The following PDZD7 variants were observed in gnomAD, a reference collection of about 807,000 sequenced individuals.
The protein encoded by PDZD7 is PDZ domain-containing protein 7.
Under a neutral mutation model 84.7 loss-of-function variants are expected in PDZD7, and 72 were observed. That is an observed-to-expected ratio of 0.85 (90% confidence interval 0.70 to 1.03). The LOEUF is 1.03. PDZD7 is among the 50% of genes least tolerant of loss of function. PDZD7 has a pLI of 0.00. For missense variants in PDZD7, 1,490 were observed against 1,412.9 expected (o/e 1.05, Z -0.87); for synonymous variants, 594 against 580.7 (o/e 1.02, Z -0.33).
Position 101,008,272 on chromosome 10 carries a change from T to C in PDZD7, c.*195A>G. The C allele has an allele frequency of 1.6e-6, 1 of 642,424 alleles. No individual in the cohort carries two copies. The allele number at this position is 642,424 out of a possible 1,614,324, so 39.8% of individuals were successfully genotyped here. A position where few individuals can be genotyped will look rare whatever the true frequency, so the allele number is the denominator to read the frequency against. ...GTGACACAGGCTGCCCACTAGCACC[T>C]TGTCCTTGGACACTAAGGCAGAGCC... On this transcript the variant is annotated 3_prime_UTR_variant, in exon 17 of 17. Transcript: ENST00000619208.
In PDZD7 at chr10:101,021,875, C is replaced by G. The variant is rs1249336656; in HGVS notation, c.790G>C (p.Val264Leu). 1 of 1,614,208 alleles carries G rather than the reference C, an allele frequency of 6.2e-7. No individual in the cohort carries two copies. Among genetic ancestry groups the G allele is most frequent in the Non-Finnish European group, 8.5e-7 (1 of 1,180,032 alleles). ...CTGTGGCTGATGTCGTCAAACCTGA[C>G]ACCGTTGGCTGCCAGGACCTGGTCC... ...VGDQVLAANG[V>L]RFDDISHSQA... The change falls in exon 6 of 17, where the codon GTC becomes CTC. Residue 264 changes from valine (V) to leucine (L), a missense_variant. By Grantham distance (32) the Val-to-Leu change is conservative. Transcript: ENST00000619208.
chr10:101,011,859 C>A, intron 13 of PDZD7, 66 bp downstream of exon 13: 2 of 1,549,426 alleles, frequency 1.3e-6, no homozygotes, highest in East Asian at 2.4e-5. Flanking sequence ...GCCCTCTCCA[C>A]CACGGGGTCC....
intron 14 of PDZD7, chr10:101,011,316 C>A (rs766457516): frequency 3.5e-5 from 14 of 405,170 alleles, no homozygotes; most frequent in Non-Finnish European, 5.2e-5. Flanking sequence ...GCTGGGATTA[C>A]AGGCGTGAGC....
Position 101,011,755 on chromosome 10 carries a change from G to A in PDZD7, c.1940C>T (p.Pro647Leu), listed in dbSNP as rs1013083731. 116 of 1,549,204 alleles carry A rather than the reference G, an allele frequency of 7.5e-5. No individual in the cohort carries two copies. Among genetic ancestry groups the A allele is most frequent in the Non-Finnish European group, 9.1e-5 (104 of 1,146,996 alleles). The change falls in exon 14 of 17, where the codon CCT becomes CTT. Residue 647 changes from proline to leucine, a missense_variant. Coordinates refer to ENST00000619208, the MANE Select transcript of PDZD7 (RefSeq NM_001195263.2). ...FEALKSRAVR[P>L]PALRPARQDT... ...CTGCCGGGCTGGTCTCAAAGCAGGA[G>A]GCCGGACTGGTTGGAGAGATGAACA...
At chr10:101,017,924 A>G (rs532246863) in intron 9 of PDZD7, 175 bp downstream of exon 9, 14 of 545,288 alleles carry the variant, frequency 2.6e-5, no homozygotes, top group Middle Eastern at 4.7e-4. Flanking sequence ...AAAGAAAGAA[A>G]GAAAAAGAAA....
At chr10:101,027,837 A>T (rs1208467880) in intron 2 of PDZD7, among the ~76,000 whole-genome samples, 1 of 152,072 alleles carries the variant, frequency 6.6e-6, no homozygotes, top group Non-Finnish European at 1.5e-5. Context: ...TTTGATAGGT[A>T]TTTTTTTTGA....
rs1051560658 is a variant in PDZD7, at chr10:101,018,981, T to C, written c.1165A>G (p.Thr389Ala). ...RVETWCSVRP[T>A]VILRDTAIRS... ...ATGGCGGTGTCCCTGAGGATGACTGTGGGCCGCACGCTGCACCAGGTCTCC... is the reference window on the plus strand; with the variant it reads ...ATGGCGGTGTCCCTGAGGATGACTGCGGGCCGCACGCTGCACCAGGTCTCC... Residue 389 changes from threonine to alanine, a missense_variant, in exon 8 of 17, where the codon ACA (threonine) becomes GCA (alanine). Coordinates refer to ENST00000619208, the MANE Select transcript of PDZD7 (RefSeq NM_001195263.2). 6.3e-7 allele frequency: 1 copy of C among 1,587,788 alleles called. No homozygotes were observed.
In PDZD7 at chr10:101,011,930, C is replaced by T; in HGVS notation, c.1928G>A (p.Arg643Lys). The part of the protein sequence containing the change: ...ELEAFEALKS[R>K]AVRPPALRPA... ...CCCCGCCCCCCACTGCTGACCTGCC[C>T]TGCTCTTGAGGGCCTCAAAAGCCTC... Residue 643 changes from arginine to lysine, a missense_variant, in exon 13 of 17, where the codon AGG (arginine) becomes AAG (lysine). Coordinates refer to ENST00000619208, the MANE Select transcript of PDZD7 (RefSeq NM_001195263.2). The T allele has an allele frequency of 1.3e-6, 2 of 1,550,278 alleles. No individual in the cohort carries two copies. Among genetic ancestry groups the T allele is most frequent in the Non-Finnish European group, 1.7e-6 (2 of 1,146,986 alleles).
rs1027895922 is a variant in PDZD7, at chr10:101,020,616, A to T, written c.928+2T>A. 1 of 1,612,968 alleles carries T rather than the reference A, an allele frequency of 6.2e-7. No individual in the cohort carries two copies. Among genetic ancestry groups the T allele is most frequent in the Non-Finnish European group, 8.5e-7 (1 of 1,179,270 alleles). ...CAACCTTGGGAGATCTGAGCCACTT[A>T]CGTCGGTCCAGCCAGCAGTACTCAG... On this transcript the variant is annotated splice_donor_variant, in intron 7 of 16. Coordinates refer to ENST00000619208, the MANE Select transcript of PDZD7 (RefSeq NM_001195263.2). LOFTEE classifies it high-confidence loss of function.
chr10:101,023,423 A>G lies in PDZD7; in HGVS notation c.542+13T>C. On this transcript the variant is annotated intron_variant, in intron 4 of 16. Transcript: ENST00000619208. Reference sequence around the variant, plus strand: ...GGCAAGGCCAGGGCTAGGATGAGGGAGTTGCTGCTCACCACGTGGTCTTCT... The same window carrying G: ...GGCAAGGCCAGGGCTAGGATGAGGGGGTTGCTGCTCACCACGTGGTCTTCT... 6.2e-7 allele frequency: 1 copy of G among 1,613,782 alleles called. No individual in the cohort carries two copies. The highest frequency in any genetic ancestry group is 8.5e-7 in the Non-Finnish European group (1 of 1,179,980).
At chr10:101,014,844 G>A (rs1852539834) in intron 11 of PDZD7, among the ~76,000 whole-genome samples, 1 of 152,152 alleles carries the variant, frequency 6.6e-6, no homozygotes, top group East Asian at 1.9e-4. Context: ...TGAAGGGTGA[G>A]GGAATCCACA....
intron 11 of PDZD7, among the ~76,000 whole-genome samples, chr10:101,015,325 G>A (rs752651241): frequency 2.6e-5 from 4 of 152,174 alleles, no homozygotes; most frequent in African/African-American, 7.2e-5. Context: ...CTCTAGGAGG[G>A]CCTCCCAGCC....
chr10:101,020,170 G>A (rs1853000543), intron 7 of PDZD7, among the ~76,000 whole-genome samples: 1 of 151,874 alleles, frequency 6.6e-6, no homozygotes, highest in African/African-American at 2.4e-5. Flanking sequence ...GAGTGCAATG[G>A]CATCTCTGCT....
rs1170141042 is a variant in PDZD7 at position 101,010,856 on chromosome 10, G to T, written c.2033C>A (p.Pro678Gln). ...PDSRGGFYLL[P>Q]VNGFPEEEDN... ...TTCCTCTTCCGGGAAGCCGTTCACCGGCAGCAGGTAGAAGCCTCCGCGGCT... is the reference window on the plus strand; with the variant it reads ...TTCCTCTTCCGGGAAGCCGTTCACCTGCAGCAGGTAGAAGCCTCCGCGGCT... Residue 678 changes from proline (P) to glutamine (Q), a missense_variant, in exon 15 of 17, where the codon CCG becomes CAG. Physicochemically the swap from Pro to Gln is moderately conservative, Grantham distance 76 (BLOSUM62 -1). Transcript: ENST00000619208. 1 of 1,534,434 alleles carries T rather than the reference G, an allele frequency of 6.5e-7. No homozygotes were observed. The highest frequency in any genetic ancestry group is 2.0e-5 in the Admixed American group (1 of 51,000).
At position 101,023,418 on chromosome 10, in the gene PDZD7, G is replaced by A; in HGVS notation, c.542+18C>T. 6.2e-7 allele frequency: 1 copy of A among 1,613,980 alleles called. No individual in the cohort carries two copies. Among genetic ancestry groups the A allele is most frequent in the Non-Finnish European group, 8.5e-7 (1 of 1,179,998 alleles). Reference sequence around the variant, plus strand: ...GCTGGGGCAAGGCCAGGGCTAGGATGAGGGAGTTGCTGCTCACCACGTGGT... The same window carrying A: ...GCTGGGGCAAGGCCAGGGCTAGGATAAGGGAGTTGCTGCTCACCACGTGGT... On this transcript the variant is annotated intron_variant, in intron 4 of 16. Transcript: ENST00000619208.
intron 2 of PDZD7, 31 bp downstream of exon 2, chr10:101,029,963 A>AAC: frequency 2.3e-5 from 36 of 1,546,398 alleles, no homozygotes; most frequent in Non-Finnish European, 2.9e-5. Context: ...ACCCTCCCCA[A>AAC]CCCAGGCCAG....
rs1270227061 is a variant in PDZD7 at position 101,010,524 on chromosome 10, C to G, written c.2365G>C (p.Gly789Arg). 6.5e-7 allele frequency: 1 copy of G among 1,529,194 alleles called. No individual in the cohort carries two copies. The highest frequency in any genetic ancestry group is 1.2e-5 in the South Asian group (1 of 83,786). The allele number at this position is 1,529,194 out of a possible 1,614,324, so 94.7% of individuals were successfully genotyped here. ...GGGGAGCGTCTACCTGGAGACTTGC[C>G]TTGACCCCGGCTGCTGCGGCTGCGG... is the stretch of plus-strand genomic sequence containing the variant. ...RSRSRSSRGQGKSPGRRSPSP... is the reference protein window; with the variant it reads ...RSRSRSSRGQRKSPGRRSPSP... The change falls in exon 15 of 17, where the codon GGC becomes CGC. Residue 789 changes from glycine to arginine, a missense_variant. Transcript: ENST00000619208.
At chr10:101,011,186 C>G in intron 14 of PDZD7, 1 of 679,204 alleles carries the variant, frequency 1.5e-6, no homozygotes, top group Non-Finnish European at 2.2e-6. Flanking sequence ...GGATTACAGG[C>G]GTGCACCAAA....
intron 9 of PDZD7, chr10:101,017,378 C>G (rs1356756553): frequency 4.7e-6 from 2 of 428,204 alleles, no homozygotes; most frequent in African/African-American, 2.3e-5. Context: ...CCAAGACGTG[C>G]TTTATTTTTC....
Sources: allele counts gnomAD v4.1 joint callset (sites outside exome capture counted in the v4.1 genomes callset), GRCh38; gene constraint gnomAD v4.1.1; transcripts MANE v1.5; gene names NCBI Gene and HGNC (gene_info 2026-07-23, HGNC 2026-07-21).